PPP1R9A: variants seen among roughly 807,000 people sequenced by gnomAD.
PPP1R9A encodes neurabin-1.
In PPP1R9A, 59 loss-of-function variants were observed where a neutral mutation model predicts 141.9. That is an observed-to-expected ratio of 0.42 (90% confidence interval 0.34 to 0.52). PPP1R9A has a LOEUF of 0.52. Among genes scored for constraint, PPP1R9A ranks in the 20% least tolerant of loss-of-function variants. PPP1R9A has a pLI of 0.10. For synonymous variants in PPP1R9A, 500 were observed against 569.7 expected (o/e 0.88, Z 1.74); for missense variants, 1,444 against 1,611.9 (o/e 0.90, Z 1.78).
intron 2 of PPP1R9A, among the ~76,000 whole-genome samples, chr7:95,011,696 G>A (rs1804440784): frequency 6.6e-6 from 1 of 152,196 alleles, no homozygotes; most frequent in Admixed American, 6.5e-5. Context: ...CCAAAAGAGA[G>A]TGGTTTGGAT....
At chr7:95,150,346 A>G (rs1319951632) in intron 4 of PPP1R9A, among the ~76,000 whole-genome samples, 1 of 152,198 alleles carries the variant, frequency 6.6e-6, no homozygotes, top group African/African-American at 2.4e-5. Context: ...TCTGTCGCCC[A>G]GGCTGGAGTG....
At chr7:94,962,036 C>T (rs915524297) in intron 2 of PPP1R9A, among the ~76,000 whole-genome samples, 1 of 151,904 alleles carries the variant, frequency 6.6e-6, no homozygotes, top group Admixed American at 6.6e-5. Context: ...TTCTGGGATT[C>T]ACTGTACATC....
In PPP1R9A at chr7:95,126,895, C is replaced by T. The variant is rs185338245; in HGVS notation, c.1649+6063C>T. ...TTTTGTATTTAATACTCTGCTGGCT[C>T]ATGTTCTAGGGAGTTGTAGGAGCAA... On this transcript the variant is annotated intron_variant, in intron 4 of 19. Coordinates refer to ENST00000433360, the MANE Select transcript of PPP1R9A (RefSeq NM_001166160.2). 2.2e-4 allele frequency among the ~76,000 whole-genome samples: 34 copies of T among 152,260 alleles called. 1 individual carries two copies. The highest frequency in any genetic ancestry group is 7.5e-4 in the African/African-American group (31 of 41,564).
intron 2 of PPP1R9A, among the ~76,000 whole-genome samples, chr7:94,985,440 A>G (rs765846331): frequency 2.6e-5 from 4 of 152,028 alleles, no homozygotes; most frequent in Non-Finnish European, 5.9e-5. Flanking sequence ...GTCTCCCATT[A>G]TTATTGTGTG....
intron 2 of PPP1R9A, among the ~76,000 whole-genome samples, chr7:95,076,462 A>G (rs1814877510): frequency 1.3e-5 from 2 of 152,264 alleles, no homozygotes; most frequent in South Asian, 4.1e-4. Context: ...CCAAAGTTTT[A>G]TATATTTGAA....
At chr7:95,145,418 A>G (rs548785781) in intron 4 of PPP1R9A, among the ~76,000 whole-genome samples, 3 of 152,356 alleles carry the variant, frequency 2.0e-5, no homozygotes, top group East Asian at 1.9e-4. Context: ...TCAGTCTTCA[A>G]GATTCATTAA....
chr7:94,918,216 C>A (rs929903761), intron 2 of PPP1R9A, among the ~76,000 whole-genome samples: 24 of 152,050 alleles, frequency 1.6e-4, no homozygotes, highest in African/African-American at 5.6e-4. Context: ...CAGTTTTCTC[C>A]TGGTTCTCAT....
intron 5 of PPP1R9A, among the ~76,000 whole-genome samples, chr7:95,179,903 G>T (rs368722630): frequency 3.9e-5 from 6 of 151,926 alleles, no homozygotes; most frequent in African/African-American, 1.4e-4. Flanking sequence ...AACACGTCCC[G>T]TGCTCATTGA....
intron 2 of PPP1R9A, among the ~76,000 whole-genome samples, chr7:94,942,387 T>C (rs1795423940): frequency 6.6e-6 from 1 of 152,210 alleles, no homozygotes; most frequent in Non-Finnish European, 1.5e-5. Context: ...TTTAACTGAG[T>C]AATTTAGGAC....
At chr7:94,945,289 G>A (rs74911070) in intron 2 of PPP1R9A, among the ~76,000 whole-genome samples, 1 of 152,028 alleles carries the variant, frequency 6.6e-6, no homozygotes, top group East Asian at 1.9e-4. Flanking sequence ...TGAAGTTTAT[G>A]AGGCTTGTTT....
intron 8 of PPP1R9A, among the ~76,000 whole-genome samples, chr7:95,241,947 A>G (rs1673007527): frequency 6.6e-6 from 1 of 152,112 alleles, no homozygotes; most frequent in African/African-American, 2.4e-5. Context: ...ATGAGTACCT[A>G]CTTAGGGAGT....
chr7:95,218,540 G>A (rs1164968855), intron 7 of PPP1R9A, among the ~76,000 whole-genome samples: 2 of 151,424 alleles, frequency 1.3e-5, no homozygotes, highest in African/African-American at 4.9e-5. Context: ...TTTCTGTCTC[G>A]TTGATCTGTC....
intron 2 of PPP1R9A, among the ~76,000 whole-genome samples, chr7:94,985,760 A>G (rs889256453): frequency 2.6e-5 from 4 of 151,852 alleles, no homozygotes; most frequent in Admixed American, 6.6e-5. Flanking sequence ...AGAGTTTCTT[A>G]TGATTGAGGG....
chr7:95,044,485 T>G (rs1281572641), intron 2 of PPP1R9A, among the ~76,000 whole-genome samples: 2 of 151,938 alleles, frequency 1.3e-5, no homozygotes, highest in South Asian at 4.2e-4. Context: ...AAGCTGAAAA[T>G]GTCTTGAAAA....
intron 2 of PPP1R9A, among the ~76,000 whole-genome samples, chr7:95,075,499 T>G (rs1404769376): frequency 6.6e-6 from 1 of 151,960 alleles, no homozygotes; most frequent in East Asian, 1.9e-4. Context: ...TGGTTAGAAT[T>G]TGGGGCTTAT....
At chr7:94,908,906 C>T (rs779926438) in intron 1 of PPP1R9A, among the ~76,000 whole-genome samples, 12 of 152,180 alleles carry the variant, frequency 7.9e-5, no homozygotes, top group Non-Finnish European at 1.5e-4. Flanking sequence ...GTGTGTGCCT[C>T]CTCAGCTGAT....
intron 2 of PPP1R9A, among the ~76,000 whole-genome samples, chr7:95,073,213 T>C (rs1004356004): frequency 6.6e-6 from 1 of 151,678 alleles, no homozygotes; most frequent in African/African-American, 2.4e-5. Flanking sequence ...CTCAAACTCC[T>C]GACCGCAGGT....
intron 2 of PPP1R9A, among the ~76,000 whole-genome samples, chr7:95,025,599 C>T (rs1806711219): frequency 6.6e-6 from 1 of 152,018 alleles, no homozygotes; most frequent in Middle Eastern, 3.2e-3. Flanking sequence ...TCTGTATTTC[C>T]TGAATTTAAA....
chr7:95,028,696 T>G (rs1285265103), intron 2 of PPP1R9A, among the ~76,000 whole-genome samples: 2 of 152,212 alleles, frequency 1.3e-5, no homozygotes, highest in Non-Finnish European at 2.9e-5. Flanking sequence ...TGTGCATATG[T>G]TTTACTCTAT....
Sources: gnomAD v4.1 joint callset for allele counts (sites outside exome capture counted in the v4.1 genomes callset) on GRCh38, gnomAD v4.1.1 for gene constraint, MANE v1.5 for transcripts, NCBI Gene and HGNC (gene_info 2026-07-23, HGNC 2026-07-21) for gene names.